ADGRL3: variants seen among roughly 807,000 people sequenced by gnomAD.
The protein encoded by ADGRL3 is adhesion G protein-coupled receptor L3, also known as calcium-independent alpha-latrotoxin receptor 3.
In ADGRL3, 62 loss-of-function variants were observed where a neutral mutation model predicts 153.5. The ratio of observed to expected loss-of-function variants is 0.40; its 90% CI spans 0.33 to 0.50. The LOEUF (loss-of-function observed/expected upper bound fraction) is 0.50. ADGRL3 is among the 20% of genes least tolerant of loss of function. The pLI is 0.47. For missense variants in ADGRL3, 1,641 were observed against 1,859.4 expected, an observed-to-expected ratio of 0.88 and a Z score of 2.16; for synonymous variants, 710 against 672.5, an observed-to-expected ratio of 1.06 and a Z score of -0.86.
At position 61,488,932 on chromosome 4, in the gene ADGRL3, C is replaced by T. The variant is rs113499687; in HGVS notation, c.-173-8189C>T. The stretch of plus-strand genomic sequence containing the variant: ...TACAATGGACCTTCTGATTCTATCC[C>T]CTTTTCTAGTTGACCACTCACAATC... On this transcript the variant is annotated intron_variant, in intron 2 of 26. Coordinates refer to ENST00000683033, the MANE Select transcript of ADGRL3 (RefSeq NM_001387552.1). Among the ~76,000 whole-genome samples the T allele has an allele frequency of 8.4e-3, 1,285 of 152,072 alleles. 17 individuals are homozygous for T. The highest frequency in any genetic ancestry group is 0.029 in the African/African-American group (1,215 of 41,520).
At chr4:61,753,231 A>G (rs1018083291) in intron 8 of ADGRL3, among the ~76,000 whole-genome samples, 4 of 151,228 alleles carry the variant, frequency 2.6e-5, no homozygotes, top group Non-Finnish European at 5.9e-5. Context: ...TTTCTGTGAA[A>G]AAAAAAAAAA....
At chr4:61,482,053 C>T (rs72636172) in intron 2 of ADGRL3, among the ~76,000 whole-genome samples, 6 of 152,062 alleles carry the variant, frequency 3.9e-5, no homozygotes, top group East Asian at 1.9e-4. Flanking sequence ...TGGAGGTTAT[C>T]GGTCAAAACT....
chr4:61,528,947 T>C (rs1279708164), intron 4 of ADGRL3, among the ~76,000 whole-genome samples: 1 of 152,038 alleles, frequency 6.6e-6, no homozygotes, highest in African/African-American at 2.4e-5. Flanking sequence ...TTCACTGATA[T>C]AACCTGGTGA....
chr4:61,745,776 C>T (rs1245917729), intron 8 of ADGRL3, among the ~76,000 whole-genome samples: 10 of 152,112 alleles, frequency 6.6e-5, no homozygotes, highest in East Asian at 1.9e-4. Flanking sequence ...TAAAGACCAT[C>T]GAGGCTAGGA....
chr4:61,961,153 A>C (rs779351735), intron 17 of ADGRL3, among the ~76,000 whole-genome samples: 1 of 152,180 alleles, frequency 6.6e-6, no homozygotes, highest in Non-Finnish European at 1.5e-5. Flanking sequence ...GTCTAGAACT[A>C]GATATTAACC....
intron 3 of ADGRL3, among the ~76,000 whole-genome samples, chr4:61,508,397 A>G (rs2098443536): frequency 6.6e-6 from 1 of 152,186 alleles, no homozygotes; most frequent in East Asian, 1.9e-4. Flanking sequence ...TGACTCTTTT[A>G]CTATTCTCAG....
chr4:61,675,752 C>T (rs1042828276), intron 5 of ADGRL3, among the ~76,000 whole-genome samples: 11 of 151,598 alleles, frequency 7.3e-5, no homozygotes, highest in Non-Finnish European at 1.5e-4. Context: ...GTAATAATCA[C>T]ATCAGGGTAA....
intron 20 of ADGRL3, among the ~76,000 whole-genome samples, chr4:61,997,143 T>C (rs1372184869): frequency 6.7e-6 from 1 of 149,326 alleles, no homozygotes; most frequent in Non-Finnish European, 1.5e-5. Context: ...TAATACACAA[T>C]AACCCTAGTG....
chr4:61,524,735 T>TC (rs967390036), intron 4 of ADGRL3, among the ~76,000 whole-genome samples: 7 of 152,054 alleles, frequency 4.6e-5, no homozygotes, highest in Admixed American at 3.9e-4. Context: ...TAGTAAGTGT[T>TC]CCCCACTGCT....
At position 61,893,161 on chromosome 4, in the gene ADGRL3, C is replaced by CT. The variant is rs561987725; in HGVS notation, c.1783+211dup. On this transcript the variant is annotated intron_variant, in intron 10 of 26. Coordinates refer to ENST00000683033, the MANE Select transcript of ADGRL3 (RefSeq NM_001387552.1). ...TTTCTTCTTTCTTTCTTTCCTCTTT[C>CT]TTTTTTTTCATTACAACATATTTTA... Among the ~76,000 whole-genome samples the CT allele has an allele frequency of 7.0e-3, 985 of 141,330 alleles. 7 individuals carry two copies. The highest frequency in any genetic ancestry group is 0.011 in the Middle Eastern group (3 of 278). 92.7% of individuals were successfully genotyped at this position (141,330 alleles called of 152,430 possible).
chr4:61,741,235 C>T lies in ADGRL3; in HGVS notation c.1399+7681C>T, dbSNP rs1166370820. On this transcript the variant is annotated intron_variant, in intron 8 of 26. Transcript: ENST00000683033. Reference sequence around the variant, plus strand: ...GGTGCACCCTCGTCAGAAAATGGAGCCTAAAAGTAGTAGGATCTTAAATCA... The same window carrying T: ...GGTGCACCCTCGTCAGAAAATGGAGTCTAAAAGTAGTAGGATCTTAAATCA... Among the ~76,000 whole-genome samples, 4 of 152,066 alleles carry T rather than the reference C, an allele frequency of 2.6e-5. No homozygotes were observed. The South Asian group carries it at 6.2e-4, about 24-fold the overall frequency.
intron 3 of ADGRL3, among the ~76,000 whole-genome samples, chr4:61,504,291 A>T (rs2152838589): frequency 6.6e-6 from 1 of 152,320 alleles, no homozygotes; most frequent in Non-Finnish European, 1.5e-5. Flanking sequence ...CACTGTACCC[A>T]GCCCCCTTTT....
At chr4:61,881,578 A>G (rs555598685) in intron 9 of ADGRL3, among the ~76,000 whole-genome samples, 35 of 152,298 alleles carry the variant, frequency 2.3e-4, no homozygotes, top group Middle Eastern at 3.4e-3. Context: ...GGGTTTCCCC[A>G]TGTTGGCCAG....
intron 6 of ADGRL3, among the ~76,000 whole-genome samples, chr4:61,723,298 A>G (rs577237669): frequency 6.6e-6 from 1 of 152,310 alleles, no homozygotes; most frequent in East Asian, 1.9e-4. Flanking sequence ...CATAATAGTG[A>G]TATGGCTCCA....
rs769989715 is a variant in ADGRL3, at chr4:62,077,115, T to A, written c.*6207T>A. 1.1e-4 allele frequency: 17 copies of A among 151,972 alleles called. No homozygotes were observed. Among genetic ancestry groups the A allele is most frequent in the Non-Finnish European group, 1.6e-4 (11 of 67,888 alleles). The allele number at this position is 151,972 out of a possible 1,614,324, so 9.4% of individuals were successfully genotyped here. The stretch of plus-strand genomic sequence containing the variant: ...CATGGTGGGTTATCAAAGTACTCCA[T>A]AATCCAAATGCATCTAAAAGTATTC... On this transcript the variant is annotated 3_prime_UTR_variant, in exon 27 of 27. Coordinates refer to ENST00000683033, the MANE Select transcript of ADGRL3 (RefSeq NM_001387552.1).
intron 5 of ADGRL3, among the ~76,000 whole-genome samples, chr4:61,650,999 C>T (rs1421853589): frequency 2.6e-5 from 4 of 151,962 alleles, no homozygotes; most frequent in African/African-American, 7.3e-5. Flanking sequence ...AGTAAGGAAT[C>T]AAGGAAATGA....
chr4:61,784,765 G>T (rs1056474066), intron 8 of ADGRL3, among the ~76,000 whole-genome samples: 13 of 152,056 alleles, frequency 8.5e-5, no homozygotes, highest in African/African-American at 3.1e-4. Flanking sequence ...GCCTGTGTTG[G>T]TATGAATTCT....
intron 2 of ADGRL3, among the ~76,000 whole-genome samples, chr4:61,476,200 A>C (rs2098047554): frequency 6.6e-6 from 1 of 152,086 alleles, no homozygotes; most frequent in Admixed American, 6.6e-5. Flanking sequence ...GTGTATTAAT[A>C]GTTTATAAGG....
chr4:62,071,942 A>C lies in ADGRL3; in HGVS notation c.*1034A>C. 2 of 260,268 alleles carry C rather than the reference A, an allele frequency of 7.7e-6. No homozygotes were observed. The highest frequency in any genetic ancestry group is 7.9e-5 in the South Asian group (2 of 25,200). 16.1% of individuals were successfully genotyped at this position (260,268 alleles called of 1,614,324 possible). A position where few individuals can be genotyped will look rare whatever the true frequency, so the allele number is the denominator to read the frequency against. ...AATATTTCCAACAGTGTTTTTTGCA[A>C]ATTAGAGCAGGACAAACTTTTATGT... On this transcript the variant is annotated 3_prime_UTR_variant, in exon 27 of 27. Transcript: ENST00000683033.
Sources: allele counts gnomAD v4.1 joint callset (sites outside exome capture counted in the v4.1 genomes callset), GRCh38; gene constraint gnomAD v4.1.1; transcripts MANE v1.5; gene names NCBI Gene and HGNC (gene_info 2026-07-23, HGNC 2026-07-21).